The following NCOR2 variants were observed in gnomAD, a reference collection of about 807,000 sequenced individuals.
NCOR2 encodes the protein CTG repeat protein 26.
In NCOR2, 81 loss-of-function variants were observed where a neutral mutation model predicts 262.9. The ratio of observed to expected loss-of-function variants is 0.31; its 90% CI spans 0.26 to 0.37. NCOR2 has a LOEUF of 0.37. NCOR2 is among the 10% of genes least tolerant of loss of function. The pLI, the probability that NCOR2 is intolerant of heterozygous loss-of-function variation, is 1.00. For synonymous variants in NCOR2, 1,659 were observed against 1,559.3 expected (o/e 1.06, Z -1.51); for missense variants, 3,385 against 3,621.4 (o/e 0.93, Z 1.68).
intron 13 of NCOR2, among the ~76,000 whole-genome samples, chr12:124,415,144 T>A (rs1593434732): frequency 6.6e-6 from 1 of 152,224 alleles, no homozygotes; most frequent in Middle Eastern, 3.4e-3. Context: ...GTGGTCTCAG[T>A]TCACCTCCCC....
At chr12:124,487,275 G>A (rs972913447) in intron 1 of NCOR2, among the ~76,000 whole-genome samples, 1 of 152,172 alleles carries the variant, frequency 6.6e-6, no homozygotes, top group Non-Finnish European at 1.5e-5. Context: ...ACAAACACCC[G>A]ACAGCCAGCG....
At chr12:124,459,366 C>G (rs2046044764) in intron 5 of NCOR2, among the ~76,000 whole-genome samples, 1 of 152,120 alleles carries the variant, frequency 6.6e-6, no homozygotes, top group Non-Finnish European at 1.5e-5. Flanking sequence ...TTTCCTTCAC[C>G]TCCTGCCCCC....
chr12:124,418,693 AAAGGTTTGTCCAAAG>A (rs2043042816), intron 13 of NCOR2, among the ~76,000 whole-genome samples: 1 of 130,378 alleles, frequency 7.7e-6, no homozygotes, highest in Admixed American at 7.2e-5. Context: ...AGGTCCACAC[AAAGGTTTGTCCAAAG>A]AAGATGGGGA....
At chr12:124,372,532 C>T (rs755247494) in exon 20 of NCOR2, 1 of 1,596,024 alleles carries the variant, frequency 6.3e-7, no homozygotes, top group Non-Finnish European at 8.5e-7. Context: ...GGGCTTGGGC[C>T]CATTCTGCCC....
At chr12:124,516,681 G>C (rs1370440099) in intron 1 of NCOR2, among the ~76,000 whole-genome samples, 1 of 151,996 alleles carries the variant, frequency 6.6e-6, no homozygotes, top group Non-Finnish European at 1.5e-5. Flanking sequence ...GTGGGATTCC[G>C]GGACTTGCCC....
chr12:124,339,599 C>A (rs950690833), intron 37 of NCOR2, among the ~76,000 whole-genome samples: 1 of 127,566 alleles, frequency 7.8e-6, no homozygotes, highest in Non-Finnish European at 1.8e-5. Flanking sequence ...CATCTATCCT[C>A]CCACTGACCC....
upstream of NCOR2, chr12:124,538,891 A>C (rs1338078366): frequency 1.3e-5 from 2 of 152,390 alleles, no homozygotes; most frequent in Non-Finnish European, 2.9e-5. Flanking sequence ...TTTCAGGGGC[A>C]CAGCCATCCC....
At chr12:124,486,124 G>A (rs973185505) in intron 2 of NCOR2, among the ~76,000 whole-genome samples, 4 of 152,120 alleles carry the variant, frequency 2.6e-5, no homozygotes, top group African/African-American at 9.7e-5. Context: ...GGGGCCCCAG[G>A]GGCACCAGGT....
At chr12:124,490,056 G>T (rs1029041593) in intron 1 of NCOR2, among the ~76,000 whole-genome samples, 1 of 152,192 alleles carries the variant, frequency 6.6e-6, no homozygotes, top group East Asian at 1.9e-4. Flanking sequence ...CTGCATTCAC[G>T]GGTCTCTCCC....
intron 18 of NCOR2, 26 bp from the exon 21 acceptor site, chr12:124,374,489 G>A (rs755376381): frequency 6.2e-7 from 1 of 1,608,400 alleles, no homozygotes; most frequent in Non-Finnish European, 8.5e-7. Context: ...AGAAGAGTTA[G>A]AAGTGAGGCA....
In NCOR2 at chr12:124,447,353, T is replaced by C. The variant is rs142623088; in HGVS notation, c.815+2462A>G. Among the ~76,000 whole-genome samples the C allele has an allele frequency of 4.6e-5, 7 of 152,380 alleles. No individual in the cohort carries two copies. The East Asian group carries it at 1.3e-3, about 29-fold the overall frequency. On this transcript the variant is annotated intron_variant, in intron 7 of 46. Coordinates refer to ENST00000405201, the Ensembl canonical transcript of NCOR2. Reference sequence around the variant, plus strand: ...CTGAGGAAGATTATGAGATGTCAAATACAGCACTGGCTTTAATATGCTTAC... The same window carrying C: ...CTGAGGAAGATTATGAGATGTCAAACACAGCACTGGCTTTAATATGCTTAC...
intron 13 of NCOR2, among the ~76,000 whole-genome samples, chr12:124,408,279 G>A (rs1002728086): frequency 2.0e-4 from 31 of 152,182 alleles, no homozygotes; most frequent in Middle Eastern, 6.8e-3. Context: ...GTGTGAACCC[G>A]GGAGGCGGAG....
At chr12:124,506,390 T>C (rs937679839) in intron 1 of NCOR2, among the ~76,000 whole-genome samples, 1 of 152,078 alleles carries the variant, frequency 6.6e-6, no homozygotes, top group Non-Finnish European at 1.5e-5. Flanking sequence ...TCCAATATAA[T>C]TGGAGCGTTC....
At chr12:124,529,466 T>A (rs2050671990) in intron 1 of NCOR2, among the ~76,000 whole-genome samples, 1 of 151,946 alleles carries the variant, frequency 6.6e-6, no homozygotes, top group Non-Finnish European at 1.5e-5. Flanking sequence ...AGAGCAAGAC[T>A]CTGTCTCAAA....
chr12:124,333,708 C>T (rs1316528053), intron 41 of NCOR2, among the ~76,000 whole-genome samples: 2 of 151,750 alleles, frequency 1.3e-5, no homozygotes, highest in African/African-American at 4.8e-5. Flanking sequence ...AGCTCAGGGC[C>T]CTCCCCTCTC....
chr12:124,328,160 G>A (rs140431269), intron 44 of NCOR2, among the ~76,000 whole-genome samples: 3,640 of 151,262 alleles, frequency 0.024, 55 homozygotes, highest in Non-Finnish European at 0.034. Context: ...CTGAGAGAGA[G>A]AAGGTGACCA....
Position 124,454,987 on chromosome 12 carries a change from CCGACCCACGCT to C in NCOR2, c.762+2108_762+2118del, listed in dbSNP as rs561052150. On this transcript the variant is annotated intron_variant, in intron 6 of 46. Coordinates refer to ENST00000405201, the Ensembl canonical transcript of NCOR2. This position sits in a 1 kb window ranked among gnomAD's most constrained non-coding sequence, Gnocchi z 5.6. ...TTCAGCCACAAAAAGGAACGAAGGACCGACCCACGCTCGACACGGATGAACCTCGAAAACAT... is the reference window on the plus strand; with the variant it reads ...TTCAGCCACAAAAAGGAACGAAGGACCGACACGGATGAACCTCGAAAACAT... 1.9e-3 allele frequency among the ~76,000 whole-genome samples: 283 copies of C among 152,276 alleles called. No homozygotes were observed. Among genetic ancestry groups the C allele is most frequent in the Middle Eastern group, 6.8e-3 (2 of 294 alleles).
upstream of NCOR2, among the ~76,000 whole-genome samples, chr12:124,536,467 A>C (rs1265654576): frequency 6.6e-6 from 1 of 152,238 alleles, no homozygotes; most frequent in East Asian, 1.9e-4. Context: ...CCCACAAATC[A>C]ATATGAGCCA....
At chr12:124,350,257 TGA>T (rs759075568) in intron 28 of NCOR2, among the ~76,000 whole-genome samples, 19 of 152,192 alleles carry the variant, frequency 1.2e-4, no homozygotes, top group East Asian at 7.7e-4. Flanking sequence ...TCATGGCCAA[TGA>T]GAGAGTGCGT....
Sources: gnomAD v4.1 joint callset for allele counts (sites outside exome capture counted in the v4.1 genomes callset) on GRCh38, gnomAD v4.1.1 for gene constraint, Gnocchi (gnomAD v3.1) non-coding constraint, MANE v1.5 for transcripts, NCBI Gene and HGNC (gene_info 2026-07-23, HGNC 2026-07-21) for gene names.